Variants in NT5C3B observed in about 807,000 individuals in gnomAD.
NT5C3B encodes 5'-nucleotidase, cytosolic IIIB.
In NT5C3B, 28 loss-of-function variants were observed where a neutral mutation model predicts 32.5. The ratio of observed to expected loss-of-function variants is 0.86; its 90% CI spans 0.64 to 1.18. The LOEUF is 1.18. Among genes scored for constraint, NT5C3B ranks in the 50% most tolerant of loss-of-function variants. The probability of loss-of-function intolerance (pLI) is 0.00; values close to 1 mark genes in which losing one functional copy is unlikely to be tolerated. For synonymous variants in NT5C3B, 138 were observed against 118.0 expected (o/e 1.17, Z -1.10); for missense variants, 317 against 322.0 (o/e 0.98, Z 0.12).
In NT5C3B at chr17:41,825,287, G is replaced by C. The variant is rs1407029283; in HGVS notation, c.*236C>G. On this transcript the variant is annotated 3_prime_UTR_variant, in exon 9 of 9. Coordinates refer to ENST00000435506, the MANE Select transcript of NT5C3B (RefSeq NM_052935.5). The stretch of plus-strand genomic sequence containing the variant: ...ATCCCTGGAGTAGACAATCCCTAGA[G>C]CACTGACATGCTGTGGTCCAAGGTT... 4.1e-6 allele frequency: 2 copies of C among 493,816 alleles called. No individual in the cohort carries two copies. The highest frequency in any genetic ancestry group is 3.8e-5 in the African/African-American group (2 of 52,100). The allele number at this position is 493,816 out of a possible 1,614,324, so 30.6% of individuals were successfully genotyped here.
chr17:41,836,046 G>C (rs782783441), intron 1 of NT5C3B, 89 bp from the exon 2 acceptor site: 1 of 1,415,026 alleles, frequency 7.1e-7, no homozygotes, highest in African/African-American at 1.5e-5. Flanking sequence ...CGTGTGAGGC[G>C]GGGCCGGGGT....
intron 6 of NT5C3B, among the ~76,000 whole-genome samples, chr17:41,830,163 T>C (rs528148323): frequency 2.0e-5 from 3 of 152,282 alleles, no homozygotes; most frequent in Admixed American, 6.5e-5. Context: ...CCAGTCACCA[T>C]GAAGAACACC....
At position 41,830,895 on chromosome 17, in the gene NT5C3B, A is replaced by G. The variant is rs1377797533; in HGVS notation, c.315-5T>C. On this transcript the variant is annotated splice_polypyrimidine_tract_variant and splice_region_variant and intron_variant, in intron 5 of 8. Transcript: ENST00000435506. The stretch of plus-strand genomic sequence containing the variant: ...AGATTGTGTGCTTTGGTCCACCTAG[A>G]AACAGACACCCCAGAAAACCCCAAA... 5 of 1,580,166 alleles carry G rather than the reference A, an allele frequency of 3.2e-6. No individual in the cohort carries two copies. In the African/African-American group the frequency reaches 6.8e-5, roughly 21 times the overall value.
At chr17:41,835,792 G>A in intron 2 of NT5C3B, 67 bp downstream of exon 2, 1 of 1,417,494 alleles carries the variant, frequency 7.1e-7, no homozygotes, top group Non-Finnish European at 9.7e-7. Flanking sequence ...AAGCGGGAAG[G>A]CCCAATGGGC....
At position 41,825,639 on chromosome 17, in the gene NT5C3B, G is replaced by T. The variant is rs782402527; in HGVS notation, c.787C>A (p.Arg263Ser). Residue 263 changes from arginine (R) to serine (S), a missense_variant, in exon 9 of 9, where the codon CGC (arginine) becomes AGC (serine). Arg to Ser is a moderately radical substitution (Grantham distance 110). Coordinates refer to ENST00000435506, the MANE Select transcript of NT5C3B (RefSeq NM_052935.5). Reference sequence around the variant, plus strand: ...ACGATGTCATAGGAGTCCATGTAGCGCTCCCGCCGCTCCTCCACCTGCCCG... The same window carrying T: ...ACGATGTCATAGGAGTCCATGTAGCTCTCCCGCCGCTCCTCCACCTGCCCG... Reference protein sequence around the residue: ...LNDKVEERRERYMDSYDIVLE... With the variant: ...LNDKVEERRESYMDSYDIVLE... 4 of 870,588 alleles carry T rather than the reference G, an allele frequency of 4.6e-6. No individual in the cohort carries two copies. The highest frequency in any genetic ancestry group is 8.0e-6 in the Non-Finnish European group (4 of 500,182). The allele number at this position is 870,588 out of a possible 1,614,324, so 53.9% of individuals were successfully genotyped here. A position where few individuals can be genotyped will look rare whatever the true frequency, so the allele number is the denominator to read the frequency against.
chr17:41,830,866 T>A lies in NT5C3B; in HGVS notation c.339A>T (p.Leu113=), dbSNP rs782696987. The change falls in exon 6 of 9, where the codon CTA becomes CTT. Residue 113 remains leucine, a synonymous_variant. Transcript: ENST00000435506. ...GAAACTTCTGAATCTTCTGCTGACATAGGAGATTGTGTGCTTTGGTCCACC... is the reference window on the plus strand; with the variant it reads ...GAAACTTCTGAATCTTCTGCTGACAAAGGAGATTGTGTGCTTTGGTCCACC... ...VEWWTKAHNL[L]CQQKIQKFQI... 3 of 1,609,482 alleles carry A rather than the reference T, an allele frequency of 1.9e-6. No individual in the cohort carries two copies. Among genetic ancestry groups the A allele is most frequent in the Non-Finnish European group, 2.5e-6 (3 of 1,177,580 alleles).
At chr17:41,829,100 C>T (rs1402409896) in intron 6 of NT5C3B, 148 bp from the exon 7 acceptor site, 31 of 581,440 alleles carry the variant, frequency 5.3e-5, no homozygotes, top group African/African-American at 1.1e-4. Flanking sequence ...CAGTTCACTG[C>T]GACCTCGACC....
chr17:41,832,372 T>A lies in NT5C3B; in HGVS notation c.314+20A>T, dbSNP rs782340032. On this transcript the variant is annotated intron_variant, in intron 5 of 8. Transcript: ENST00000435506. Reference sequence around the variant, plus strand: ...TCCATCTCAAGGGCCCAGAAGCTTTTCTCCACCACCATCACTCACCATTCC... The same window carrying A: ...TCCATCTCAAGGGCCCAGAAGCTTTACTCCACCACCATCACTCACCATTCC... 3 of 1,610,510 alleles carry A rather than the reference T, an allele frequency of 1.9e-6. No homozygotes were observed. The African/African-American group carries it at 4.0e-5, about 22-fold the overall frequency.
At position 41,835,069 on chromosome 17, in the gene NT5C3B, C is replaced by T; in HGVS notation, c.228+1G>A. The stretch of plus-strand genomic sequence containing the variant: ...CTGAGCAAAGGACGGGAGCAACCCA[C>T]CTCTTTCCGACACTCCTCACTGATG... On this transcript the variant is annotated splice_donor_variant, in intron 4 of 8. Transcript: ENST00000435506. LOFTEE classifies it high-confidence loss of function. The T allele has an allele frequency of 6.2e-7, 1 of 1,614,102 alleles. No individual in the cohort carries two copies. The highest frequency in any genetic ancestry group is 8.5e-7 in the Non-Finnish European group (1 of 1,179,960).
intron 8 of NT5C3B, among the ~76,000 whole-genome samples, chr17:41,826,254 C>T (rs1555618162): frequency 6.6e-6 from 1 of 151,678 alleles, no homozygotes; most frequent in African/African-American, 2.4e-5. Context: ...GATAGGATCT[C>T]ACTCTGCTGC....
chr17:41,835,507 G>A, intron 2 of NT5C3B: 1 of 671,856 alleles, frequency 1.5e-6, no homozygotes, highest in East Asian at 2.7e-5. Context: ...TGAATACTCA[G>A]GACCCCTCTG....
At position 41,825,294 on chromosome 17, in the gene NT5C3B, C is replaced by T. The variant is rs1171273926; in HGVS notation, c.*229G>A. The stretch of plus-strand genomic sequence containing the variant: ...GAGTAGACAATCCCTAGAGCACTGA[C>T]ATGCTGTGGTCCAAGGTTCACCAGG... On this transcript the variant is annotated 3_prime_UTR_variant, in exon 9 of 9. Transcript: ENST00000435506. 7.8e-6 allele frequency: 4 copies of T among 511,292 alleles called. No individual in the cohort carries two copies. Among genetic ancestry groups the T allele is most frequent in the Non-Finnish European group, 3.5e-6 (1 of 286,638 alleles). The allele number at this position is 511,292 out of a possible 1,614,324, so 31.7% of individuals were successfully genotyped here. A position where few individuals can be genotyped will look rare whatever the true frequency, so the allele number is the denominator to read the frequency against.
intron 5 of NT5C3B, among the ~76,000 whole-genome samples, chr17:41,831,597 C>T (rs1555619071): frequency 1.3e-5 from 2 of 152,260 alleles, no homozygotes; most frequent in African/African-American, 2.4e-5. Flanking sequence ...TCACAGATCC[C>T]TTATAAAAAG....
At position 41,835,444 on chromosome 17, in the gene NT5C3B, T is replaced by A. The variant is rs1280326968; in HGVS notation, c.112-172A>T. 7 of 655,234 alleles carry A rather than the reference T, an allele frequency of 1.1e-5. No homozygotes were observed. In the African/African-American group the frequency reaches 1.3e-4, roughly 12 times the overall value. The allele number at this position is 655,234 out of a possible 1,614,324, so 40.6% of individuals were successfully genotyped here. A position where few individuals can be genotyped will look rare whatever the true frequency, so the allele number is the denominator to read the frequency against. On this transcript the variant is annotated intron_variant, in intron 2 of 8. Coordinates refer to ENST00000435506, the MANE Select transcript of NT5C3B (RefSeq NM_052935.5). The stretch of plus-strand genomic sequence containing the variant: ...AGGGATAGAGGGGAAGTGATCCTAA[T>A]TAGTACCCGTTAACCCTGAGGAAAA...
At position 41,835,892 on chromosome 17, in the gene NT5C3B, G is replaced by A. The variant is rs368420971; in HGVS notation, c.78C>T (p.Gly26=). Residue 26 remains glycine (G), a synonymous_variant, in exon 2 of 9, where the codon GGC becomes GGT. Coordinates refer to ENST00000435506, the MANE Select transcript of NT5C3B (RefSeq NM_052935.5). Reference sequence around the variant, plus strand: ...GGTCTCCGCCGCCCTTGCGGAGGGCGCCCACGATCTCCTGCACCCGCCCAG... The same window carrying A: ...GGTCTCCGCCGCCCTTGCGGAGGGCACCCACGATCTCCTGCACCCGCCCAG... The part of the protein sequence containing the change: ...RQPGRVQEIV[G]ALRKGGGDRL... 260 of 1,608,794 alleles carry A rather than the reference G, an allele frequency of 1.6e-4. No individual in the cohort carries two copies. The highest frequency in any genetic ancestry group is 2.1e-4 in the Non-Finnish European group (243 of 1,178,592).
chr17:41,832,794 G>T lies in NT5C3B; in HGVS notation c.229-317C>A, dbSNP rs142213431. The T allele has an allele frequency of 4.4e-3, 886 of 203,606 alleles. 8 individuals are homozygous for T. The highest frequency in any genetic ancestry group is 6.2e-3 in the Non-Finnish European group (607 of 98,250). 12.6% of individuals were successfully genotyped at this position (203,606 alleles called of 1,614,324 possible). A position where few individuals can be genotyped will look rare whatever the true frequency, so the allele number is the denominator to read the frequency against. On this transcript the variant is annotated intron_variant, in intron 4 of 8. Coordinates refer to ENST00000435506, the MANE Select transcript of NT5C3B (RefSeq NM_052935.5). The stretch of plus-strand genomic sequence containing the variant: ...GAAAAATGAGAATCGTTTGAACCCA[G>T]GAGGCGGAGGTTGCAGTGAGCCAAG...
chr17:41,825,450 T>C lies in NT5C3B; in HGVS notation c.*73A>G. 1.2e-6 allele frequency: 1 copy of C among 802,890 alleles called. No individual in the cohort carries two copies. The highest frequency in any genetic ancestry group is 2.1e-6 in the Non-Finnish European group (1 of 466,798). 49.7% of individuals were successfully genotyped at this position (802,890 alleles called of 1,614,324 possible). On this transcript the variant is annotated 3_prime_UTR_variant, in exon 9 of 9. Transcript: ENST00000435506. The stretch of plus-strand genomic sequence containing the variant: ...TGGCCACCCTGGCCTCTGCTCTGTG[T>C]TCACGGGGGAGCAGACTCTGGGGAG...
chr17:41,832,520 A>G (rs2048069299), intron 4 of NT5C3B, 43 bp from the exon 5 acceptor site: 1 of 1,556,910 alleles, frequency 6.4e-7, no homozygotes, highest in African/African-American at 1.4e-5. Context: ...GTCCATATCA[A>G]GTTCTTCCCA....
In NT5C3B at chr17:41,830,795, G is replaced by T; in HGVS notation, c.404+6C>A. ...ATAGAAATGTTTTCCAGAGCAAGAC[G>T]CTTACCTGAGCATTGCATTGGACTC... On this transcript the variant is annotated splice_donor_region_variant and intron_variant, in intron 6 of 8. Coordinates refer to ENST00000435506, the MANE Select transcript of NT5C3B (RefSeq NM_052935.5). The T allele has an allele frequency of 1.3e-6, 2 of 1,574,656 alleles. No individual in the cohort carries two copies. The highest frequency in any genetic ancestry group is 1.7e-6 in the Non-Finnish European group (2 of 1,144,258).
Sources: allele counts gnomAD v4.1 joint callset (sites outside exome capture counted in the v4.1 genomes callset), GRCh38; gene constraint gnomAD v4.1.1; transcripts MANE v1.5; gene names NCBI Gene and HGNC (gene_info 2026-07-23, HGNC 2026-07-21).